The following ARID1B variants were observed in gnomAD, a reference collection of about 807,000 sequenced individuals.
The protein encoded by ARID1B is AT-rich interaction domain 1B.
A neutral mutation model predicts 212.3 loss-of-function variants in ARID1B; 30 were observed. The observed-to-expected ratio is 0.14, with a 90% CI of 0.11 to 0.19. The LOEUF (loss-of-function observed/expected upper bound fraction) is 0.19. Among genes scored for constraint, ARID1B ranks in the 10% least tolerant of loss-of-function variants. ARID1B has a pLI of 1.00. For synonymous variants in ARID1B, 1,402 were observed against 1,301.7 expected (o/e 1.08, Z -1.66); for missense variants, 2,891 against 3,204.0 (o/e 0.90, Z 2.36).
At chr6:157,127,783 C>CAAAAAAAAA (rs61172896) in intron 6 of ARID1B, among the ~76,000 whole-genome samples, 3 of 56,794 alleles carry the variant, frequency 5.3e-5, no homozygotes, top group Non-Finnish European at 7.1e-5. Context: ...GACTCTGTCT[C>CAAAAAAAAA]AAAAAAAAAA....
chr6:156,913,217 CTTTTTTT>C (rs372967890), intron 3 of ARID1B, among the ~76,000 whole-genome samples: 1 of 129,036 alleles, frequency 7.7e-6, no homozygotes, highest in Non-Finnish European at 1.6e-5. Context: ...TTTTCTTTTT[CTTTTTTT>C]TTTTTTTTTT....
intron 2 of ARID1B, among the ~76,000 whole-genome samples, chr6:156,887,619 A>G (rs1787614059): frequency 6.6e-6 from 1 of 152,170 alleles, no homozygotes; most frequent in Non-Finnish European, 1.5e-5. Context: ...AGTTACAAAA[A>G]TCATTTTGAG....
At position 156,878,046 on chromosome 6, in the gene ARID1B, G is replaced by A. The variant is rs138430073; in HGVS notation, c.1987-23330G>A. Among the ~76,000 whole-genome samples, 283 of 152,110 alleles carry A rather than the reference G, an allele frequency of 1.9e-3. 1 individual carries two copies. The highest frequency in any genetic ancestry group is 6.6e-3 in the African/African-American group (274 of 41,486). ...TTATCCTTGACTTTTGATTAGTTAC[G>A]TAAGATCTTTTGAAGGGCTTCTCTC... On this transcript the variant is annotated intron_variant, in intron 2 of 19. Coordinates refer to ENST00000636930, the MANE Select transcript of ARID1B (RefSeq NM_001374828.1).
intron 6 of ARID1B, among the ~76,000 whole-genome samples, chr6:157,115,460 T>G (rs1787261883): frequency 6.6e-6 from 1 of 152,252 alleles, no homozygotes; most frequent in Non-Finnish European, 1.5e-5. Context: ...AGAGTCTTGC[T>G]CTGTGACCCA....
chr6:156,791,635 G>T (rs1780016118), intron 1 of ARID1B, among the ~76,000 whole-genome samples: 1 of 152,194 alleles, frequency 6.6e-6, no homozygotes, highest in South Asian at 2.1e-4. Flanking sequence ...CCTGGGCAGA[G>T]GTAATGCAAG....
chr6:157,017,968 A>AAAG (rs1365667772), intron 4 of ARID1B, among the ~76,000 whole-genome samples: 1 of 140,106 alleles, frequency 7.1e-6, no homozygotes, highest in East Asian at 2.0e-4. Flanking sequence ...CTCTACAAAA[A>AAAG]AAAAAAAAAA....
chr6:156,889,868 C>T (rs1419369271), intron 2 of ARID1B, among the ~76,000 whole-genome samples: 3 of 152,132 alleles, frequency 2.0e-5, no homozygotes, highest in Admixed American at 2.0e-4. Flanking sequence ...GTTGACTATA[C>T]ATTTGTTAAT....
chr6:156,885,935 A>G (rs158256), intron 2 of ARID1B, among the ~76,000 whole-genome samples: 90,933 of 152,016 alleles, frequency 0.6, 27,490 homozygotes, highest in African/African-American at 0.65. Flanking sequence ...CTGAAAATCC[A>G]AAATTAGAAA....
At chr6:157,186,619 T>C (rs1792995702) in intron 13 of ARID1B, 1 of 449,444 alleles carries the variant, frequency 2.2e-6, no homozygotes, top group Non-Finnish European at 4.7e-6. Flanking sequence ...TATTCCCAAC[T>C]ATTGGCCATG....
Position 157,111,739 on chromosome 6 carries a change from G to A in ARID1B, c.2581+1178G>A, listed in dbSNP as rs553372470. Among the ~76,000 whole-genome samples, 6 of 152,206 alleles carry A rather than the reference G, an allele frequency of 3.9e-5. No individual in the cohort carries two copies. The South Asian group carries it at 1.0e-3, about 26-fold the overall frequency. On this transcript the variant is annotated intron_variant, in intron 6 of 19. Transcript: ENST00000636930. ...TCATTTGTGTTGAATGTTTCAGAGG[G>A]ATAAAATGAATTTTTCATTTTCTAA...
chr6:157,160,293 CTA>C (rs1299235851), intron 8 of ARID1B, among the ~76,000 whole-genome samples: 1 of 152,230 alleles, frequency 6.6e-6, no homozygotes, highest in Non-Finnish European at 1.5e-5. Context: ...ATGTCCAAAA[CTA>C]AGCCCACGCT....
At chr6:157,147,994 C>T (rs943256390) in intron 7 of ARID1B, among the ~76,000 whole-genome samples, 5 of 132,612 alleles carry the variant, frequency 3.8e-5, no homozygotes, top group African/African-American at 1.5e-4. Context: ...GGACAGTTTT[C>T]CGAGATGTGG....
At position 157,201,558 on chromosome 6, in the gene ARID1B, A is replaced by G; in HGVS notation, c.5263+70A>G. 4 of 1,453,468 alleles carry G rather than the reference A, an allele frequency of 2.8e-6. No individual in the cohort carries two copies. The highest frequency in any genetic ancestry group is 2.4e-5 in the East Asian group (1 of 42,196). The allele number at this position is 1,453,468 out of a possible 1,614,324, so 90.0% of individuals were successfully genotyped here. On this transcript the variant is annotated intron_variant, in intron 18 of 19. Transcript: ENST00000636930. This position sits in a 1 kb window ranked among gnomAD's most constrained non-coding sequence, Gnocchi z 5.2. ...GTGTAGAATTTTAATTTTAGTAAAG[A>G]TGCTGTTCCTGCTCATCTTAAAGGG...
intron 4 of ARID1B, among the ~76,000 whole-genome samples, chr6:157,003,366 C>T (rs1251125749): frequency 2.0e-5 from 3 of 152,138 alleles, no homozygotes; most frequent in African/African-American, 7.2e-5. Flanking sequence ...GCCCCTACCT[C>T]GTACTGTACA....
chr6:157,147,571 T>C (rs1361103641), intron 7 of ARID1B, among the ~76,000 whole-genome samples: 2 of 17,496 alleles, frequency 1.1e-4, no homozygotes, highest in Admixed American at 6.8e-4. Flanking sequence ...CCTCCGTCCC[T>C]CACCTCCGCC....
chr6:156,856,132 G>A (rs183224803), intron 2 of ARID1B, among the ~76,000 whole-genome samples: 4 of 152,322 alleles, frequency 2.6e-5, no homozygotes, highest in African/African-American at 7.2e-5. Context: ...TCTTAGAGCA[G>A]TGCCTGGAGT....
intron 2 of ARID1B, among the ~76,000 whole-genome samples, chr6:156,876,823 C>T (rs1370405488): frequency 6.6e-6 from 1 of 152,180 alleles, no homozygotes; most frequent in Non-Finnish European, 1.5e-5. Context: ...GGTCCACAGA[C>T]CCCTGAGTGT....
intron 10 of ARID1B, chr6:157,174,339 G>A (rs1456151006): frequency 6.5e-6 from 3 of 460,980 alleles, no homozygotes; most frequent in Non-Finnish European, 7.7e-6. Flanking sequence ...ACGGTTGGGG[G>A]AGAGGGGTGG....
intron 1 of ARID1B, among the ~76,000 whole-genome samples, chr6:156,806,508 T>C (rs933427947): frequency 6.6e-6 from 1 of 152,250 alleles, no homozygotes; most frequent in African/African-American, 2.4e-5. Flanking sequence ...TGTTTGGTTT[T>C]GCTTAATAAT....
Sources: allele counts gnomAD v4.1 joint callset (sites outside exome capture counted in the v4.1 genomes callset), GRCh38; gene constraint gnomAD v4.1.1; non-coding constraint Gnocchi (gnomAD v3.1); transcripts MANE v1.5; gene names NCBI Gene and HGNC (gene_info 2026-07-23, HGNC 2026-07-21).